The following CALN1 variants were observed in gnomAD, a reference collection of about 807,000 sequenced individuals.
CALN1 encodes the protein calneuron 1.
Under a neutral mutation model 30.6 loss-of-function variants are expected in CALN1, and 17 were observed. The observed-to-expected ratio is 0.56, with a 90% CI of 0.38 to 0.83. The LOEUF is 0.83. Ranked by LOEUF, CALN1 falls within the 40% of genes least tolerant of loss-of-function variation. The pLI is 0.00. For missense variants in CALN1, 291 were observed against 354.9 expected (o/e 0.82, Z 1.45); for synonymous variants, 156 against 131.4 (o/e 1.19, Z -1.28).
At chr7:72,491,226 CAAA>C in the CALN1 span, among the ~76,000 whole-genome samples, 1 of 132,172 alleles carries the variant, frequency 7.6e-6, no homozygotes, top group Non-Finnish European at 1.6e-5. Flanking sequence ...GACTCCGTCT[CAAA>C]AAAAAAAAAA....
chr7:72,432,427 G>A (rs1808007768), intron 1 of CALN1, among the ~76,000 whole-genome samples: 1 of 152,070 alleles, frequency 6.6e-6, no homozygotes, highest in Non-Finnish European at 1.5e-5. Context: ...TATTCTCTCT[G>A]CCTCCGGGAA....
intron 3 of CALN1, among the ~76,000 whole-genome samples, chr7:72,227,952 A>G (rs1793809293): frequency 1.3e-5 from 2 of 151,936 alleles, no homozygotes; most frequent in Admixed American, 1.3e-4. Context: ...TGCCTTCTCC[A>G]AGCAACTTCC....
At chr7:72,488,643 C>T in the CALN1 span, among the ~76,000 whole-genome samples, 1 of 152,072 alleles carries the variant, frequency 6.6e-6, no homozygotes, top group Non-Finnish European at 1.5e-5. Context: ...CTCCTGTTAC[C>T]CTGCCAGCTT....
chr7:71,952,239 T>TCATGAA (rs1394240468), intron 5 of CALN1, among the ~76,000 whole-genome samples: 1 of 152,210 alleles, frequency 6.6e-6, no homozygotes, highest in Admixed American at 6.5e-5. Context: ...TCTTCCTAAA[T>TCATGAA]CATGAAACTT....
At chr7:72,315,566 G>A (rs1384433615) in intron 2 of CALN1, among the ~76,000 whole-genome samples, 2 of 151,946 alleles carry the variant, frequency 1.3e-5, no homozygotes, top group African/African-American at 2.4e-5. Flanking sequence ...ATTAGATGGT[G>A]TGGTGGTGGA....
intron 5 of CALN1, among the ~76,000 whole-genome samples, chr7:71,895,672 C>T (rs955480673): frequency 6.6e-6 from 1 of 152,030 alleles, no homozygotes; most frequent in Admixed American, 6.6e-5. Flanking sequence ...GACAGAATGA[C>T]AAGGTAATAT....
At chr7:71,809,564 T>C (rs1316384224) in intron 6 of CALN1, among the ~76,000 whole-genome samples, 1 of 152,038 alleles carries the variant, frequency 6.6e-6, no homozygotes. Context: ...TATGATGTTT[T>C]AATGTAATTA....
At chr7:72,100,174 T>C (rs1025829636) in intron 4 of CALN1, among the ~76,000 whole-genome samples, 1 of 142,262 alleles carries the variant, frequency 7.0e-6, no homozygotes, top group Non-Finnish European at 1.5e-5. Flanking sequence ...GTTTTTTTTT[T>C]AGAGATAAGG....
chr7:72,385,463 G>C (rs1441376304), intron 2 of CALN1, among the ~76,000 whole-genome samples: 1 of 152,074 alleles, frequency 6.6e-6, no homozygotes, highest in African/African-American at 2.4e-5. Context: ...ATATTATTCA[G>C]TTATAAAAAG....
chr7:71,812,850 C>T (rs921817819), intron 5 of CALN1, among the ~76,000 whole-genome samples: 4 of 151,770 alleles, frequency 2.6e-5, no homozygotes, highest in African/African-American at 9.7e-5. Flanking sequence ...CTCAAGTGAT[C>T]CTCCTGCCTC....
chr7:72,257,755 G>A (rs1796009344), intron 3 of CALN1, among the ~76,000 whole-genome samples: 1 of 152,190 alleles, frequency 6.6e-6, no homozygotes, highest in African/African-American at 2.4e-5. Context: ...TGTAGTATAT[G>A]TTATGTGCAC....
chr7:72,107,597 C>A (rs1807265575), intron 3 of CALN1, among the ~76,000 whole-genome samples: 1 of 152,142 alleles, frequency 6.6e-6, no homozygotes, highest in African/African-American at 2.4e-5. Context: ...GGATGTATAA[C>A]ACAAGGAATT....
chr7:71,988,247 T>C (rs1554404231), intron 5 of CALN1, among the ~76,000 whole-genome samples: 1 of 152,106 alleles, frequency 6.6e-6, no homozygotes, highest in Non-Finnish European at 1.5e-5. Flanking sequence ...ATGAAGGAAA[T>C]GAAGCAAAAA....
chr7:72,350,829 G>A (rs1802883880), intron 2 of CALN1, among the ~76,000 whole-genome samples: 2 of 152,122 alleles, frequency 1.3e-5, no homozygotes, highest in Non-Finnish European at 2.9e-5. Context: ...TTCCTAATCA[G>A]CAAAAATATC....
intron 5 of CALN1, among the ~76,000 whole-genome samples, chr7:71,948,395 A>G (rs1281194180): frequency 6.6e-6 from 1 of 152,142 alleles, no homozygotes; most frequent in Non-Finnish European, 1.5e-5. Context: ...ATGGCCTTCT[A>G]AGAGAGAGTC....
At chr7:72,137,030 C>A (rs1169862635) in intron 3 of CALN1, among the ~76,000 whole-genome samples, 7 of 152,164 alleles carry the variant, frequency 4.6e-5, no homozygotes, top group Admixed American at 4.6e-4. Context: ...GAAAACAAAC[C>A]TGAGAGGGGC....
chr7:71,963,142 C>A (rs926892974), intron 5 of CALN1, among the ~76,000 whole-genome samples: 2 of 151,994 alleles, frequency 1.3e-5, no homozygotes, highest in African/African-American at 2.4e-5. Context: ...ACAGTAAGCT[C>A]TAAGAAACTT....
chr7:72,083,184 G>C (rs1360450753), intron 4 of CALN1, among the ~76,000 whole-genome samples: 1 of 151,384 alleles, frequency 6.6e-6, no homozygotes. Context: ...CTGAGAAACA[G>C]ACAGAGACTC....
the CALN1 span, among the ~76,000 whole-genome samples, chr7:72,473,375 T>TC: frequency 1.5e-4 from 23 of 151,924 alleles, 1 homozygote; most frequent in Admixed American, 4.6e-4. Flanking sequence ...CATCTCAGGT[T>TC]CCCCTCATCC....
Sources: allele counts gnomAD v4.1 joint callset (sites outside exome capture counted in the v4.1 genomes callset), GRCh38; gene constraint gnomAD v4.1.1; transcripts MANE v1.5; gene names NCBI Gene and HGNC (gene_info 2026-07-23, HGNC 2026-07-21).